Variants in MDGA1 observed in about 807,000 individuals in gnomAD.
MDGA1 encodes MAM domain containing glycosylphosphatidylinositol anchor 1.
Under a neutral mutation model 101.5 loss-of-function variants are expected in MDGA1, and 54 were observed. That is an observed-to-expected ratio of 0.53 (90% confidence interval 0.43 to 0.67). MDGA1 has a LOEUF of 0.67. MDGA1 is among the 30% of genes least tolerant of loss of function. The pLI is 0.00. For synonymous variants in MDGA1, 533 were observed against 558.3 expected, an observed-to-expected ratio of 0.95 and a Z score of 0.64; for missense variants, 1,083 against 1,323.8, an observed-to-expected ratio of 0.82 and a Z score of 2.82.
chr6:37,685,716 G>C (rs974180218), intron 1 of MDGA1, among the ~76,000 whole-genome samples: 1 of 151,838 alleles, frequency 6.6e-6, no homozygotes, highest in Non-Finnish European at 1.5e-5. Context: ...CGACAGTGTC[G>C]GGGGGCGCTG....
At chr6:37,667,665 G>A (rs1761782878) in intron 1 of MDGA1, among the ~76,000 whole-genome samples, 1 of 152,222 alleles carries the variant, frequency 6.6e-6, no homozygotes, top group African/African-American at 2.4e-5. Context: ...GAGGCCTGGG[G>A]TGCCTCTCAA....
chr6:37,641,900 AT>A (rs951397693), intron 14 of MDGA1: 1 of 152,188 alleles, frequency 6.6e-6, no homozygotes, highest in Non-Finnish European at 1.5e-5. Flanking sequence ...AGAATCTTCT[AT>A]CCCACTCCAT....
intron 7 of MDGA1, among the ~76,000 whole-genome samples, chr6:37,651,491 G>A (rs1292861948): frequency 2.0e-5 from 3 of 152,142 alleles, no homozygotes; most frequent in Admixed American, 6.5e-5. Context: ...CTTGAATTAT[G>A]CAGTTGTTTC....
At chr6:37,674,318 G>A (rs557446750) in intron 1 of MDGA1, among the ~76,000 whole-genome samples, 3 of 152,298 alleles carry the variant, frequency 2.0e-5, no homozygotes, top group Admixed American at 6.5e-5. Context: ...TGTGCAGGCC[G>A]CCACCCCGCC....
chr6:37,670,814 C>T (rs1285427673), intron 1 of MDGA1, among the ~76,000 whole-genome samples: 1 of 152,168 alleles, frequency 6.6e-6, no homozygotes, highest in Non-Finnish European at 1.5e-5. Context: ...TCATATTTAG[C>T]TCCATTGGCA....
rs1039693586 is a variant in MDGA1, at chr6:37,696,586, A to T, written c.67+159T>A. Among the ~76,000 whole-genome samples, 17 of 152,020 alleles carry T rather than the reference A, an allele frequency of 1.1e-4. No homozygotes were observed. Among genetic ancestry groups the T allele is most frequent in the African/African-American group, 3.6e-4 (15 of 41,378 alleles). On this transcript the variant is annotated intron_variant, in intron 1 of 16. Transcript: ENST00000434837. The surrounding 1 kb of genome is among the most constrained non-coding windows in gnomAD (Gnocchi z 5.6). Reference sequence around the variant, plus strand: ...CCGGCCCCTGTGTTCCGAAGCAGCTAGCTCGGTCTCCACGCGCCCTGGAGA... The same window carrying T: ...CCGGCCCCTGTGTTCCGAAGCAGCTTGCTCGGTCTCCACGCGCCCTGGAGA...
rs999207606 is a variant in MDGA1, at chr6:37,635,827, C to T, written c.*1541G>A. The T allele has an allele frequency of 4.0e-5, 16 of 398,004 alleles. No individual in the cohort carries two copies. The highest frequency in any genetic ancestry group is 2.9e-4 in the African/African-American group (14 of 48,634). The allele number at this position is 398,004 out of a possible 1,614,324, so 24.7% of individuals were successfully genotyped here. The stretch of plus-strand genomic sequence containing the variant: ...GGCAGCTTGAGACTACAGAACAGGG[C>T]TGGACAGAGTCTATTCAGCCAGCAC... On this transcript the variant is annotated 3_prime_UTR_variant, in exon 17 of 17. Coordinates refer to ENST00000434837, the MANE Select transcript of MDGA1 (RefSeq NM_153487.4).
intron 14 of MDGA1, chr6:37,643,353 A>G (rs758691045): frequency 2.3e-4 from 36 of 159,316 alleles, no homozygotes; most frequent in South Asian, 5.5e-4. Flanking sequence ...GCTCACTGCA[A>G]CCTTCACCAC....
intron 1 of MDGA1, among the ~76,000 whole-genome samples, chr6:37,676,977 G>C (rs539092314): frequency 1.3e-5 from 2 of 151,158 alleles, no homozygotes; most frequent in African/African-American, 4.9e-5. Flanking sequence ...CACTTAACTT[G>C]CCTAAGCCCC....
At position 37,638,258 on chromosome 6, in the gene MDGA1, T is replaced by C; in HGVS notation, c.2723A>G (p.Asp908Gly). The change falls in exon 16 of 17, where the codon GAC (aspartate) becomes GGC (glycine). Residue 908 changes from aspartate (D) to glycine (G), a missense_variant. Asp to Gly is a moderately conservative substitution (Grantham distance 94). This residue lies in a region of MDGA1 where 657 missense variants were observed against 771.4 expected (regional missense o/e 0.85). Coordinates refer to ENST00000434837, the MANE Select transcript of MDGA1 (RefSeq NM_153487.4). This position sits in a 1 kb window ranked among gnomAD's most constrained non-coding sequence, Gnocchi z 4.8. The part of the protein sequence containing the change: ...PGYLGDIAID[D>G]VTLKKGECPR... ...ACACTCCCCCTTCTTCAGTGTGACG[T>C]CATCTATGGCAATATCCCCCAGGTA... The C allele has an allele frequency of 6.2e-7, 1 of 1,613,466 alleles. No individual in the cohort carries two copies. Among genetic ancestry groups the C allele is most frequent in the Non-Finnish European group, 8.5e-7 (1 of 1,179,736 alleles).
chr6:37,676,124 C>T (rs1439017755), intron 1 of MDGA1, among the ~76,000 whole-genome samples: 1 of 152,190 alleles, frequency 6.6e-6, no homozygotes, highest in Non-Finnish European at 1.5e-5. Flanking sequence ...TGACATAAAA[C>T]CAGACTCATG....
rs374837259 is a variant in MDGA1, at chr6:37,643,771, C to T, written c.2536+38G>A. 195 of 1,611,348 alleles carry T rather than the reference C, an allele frequency of 1.2e-4. No homozygotes were observed. In the African/African-American group the frequency reaches 2.4e-3, roughly 20 times the overall value. Reference sequence around the variant, plus strand: ...ACCCCACTCCCCTCCCATCCTCCAGCACACACTTGGTGGAGACTACCTGGC... The same window carrying T: ...ACCCCACTCCCCTCCCATCCTCCAGTACACACTTGGTGGAGACTACCTGGC... On this transcript the variant is annotated intron_variant, in intron 14 of 16. Transcript: ENST00000434837.
intron 1 of MDGA1, among the ~76,000 whole-genome samples, chr6:37,694,782 G>A (rs1328260807): frequency 6.6e-6 from 1 of 152,134 alleles, no homozygotes; most frequent in African/African-American, 2.4e-5. Flanking sequence ...AAGGAAAAGT[G>A]GCATGTCACC....
At chr6:37,649,743 A>C (rs708022) in intron 8 of MDGA1, 109,935 of 469,016 alleles carry the variant, frequency 0.23, 14,938 homozygotes, top group African/African-American at 0.46. Context: ...GAGTTAGTGC[A>C]TTAAAACTCT....
chr6:37,680,435 G>A (rs56120772), intron 1 of MDGA1, among the ~76,000 whole-genome samples: 14,686 of 152,290 alleles, frequency 0.096, 736 homozygotes, highest in Middle Eastern at 0.15. Context: ...CATGAAGGAG[G>A]TGACAGAGGT....
intron 14 of MDGA1, among the ~76,000 whole-genome samples, chr6:37,643,109 G>A (rs1764130307): frequency 6.6e-6 from 1 of 152,158 alleles, no homozygotes; most frequent in South Asian, 2.1e-4. Context: ...TGACGTCTCT[G>A]AGTTGGATGG....
chr6:37,643,878 G>A lies in MDGA1; in HGVS notation c.2467C>T (p.Pro823Ser). The A allele has an allele frequency of 6.2e-7, 1 of 1,613,960 alleles. No homozygotes were observed. The highest frequency in any genetic ancestry group is 8.5e-7 in the Non-Finnish European group (1 of 1,179,880). The change falls in exon 14 of 17, where the codon CCC (proline) becomes TCC (serine). Residue 823 changes from proline to serine, a missense_variant. Physicochemically the swap from Pro to Ser is moderately conservative, Grantham distance 74. Around this residue, in one of 3 missense-constraint regions of MDGA1, gnomAD observed 657 missense variants for 771.4 expected, o/e 0.85. Coordinates refer to ENST00000434837, the MANE Select transcript of MDGA1 (RefSeq NM_153487.4). ...AACTTGGCGCTGGCATTGTAGAGGG[G>A]ACTCACTAACCTTGCACGGTCCCCC... ...ELGDRARLVSPLYNASAKFYC... is the reference protein window; with the variant it reads ...ELGDRARLVSSLYNASAKFYC...
intron 1 of MDGA1, among the ~76,000 whole-genome samples, chr6:37,665,966 T>C (rs1288848209): frequency 6.6e-6 from 1 of 152,122 alleles, no homozygotes; most frequent in Non-Finnish European, 1.5e-5. Flanking sequence ...CTTTCCTCCT[T>C]CAAAGTGACT....
At chr6:37,677,368 G>A (rs1762003095) in intron 1 of MDGA1, among the ~76,000 whole-genome samples, 2 of 152,106 alleles carry the variant, frequency 1.3e-5, no homozygotes, top group African/African-American at 4.8e-5. Context: ...TAATTTAAAA[G>A]GAAAAAGTAA....
Sources: gnomAD v4.1 joint callset for allele counts (sites outside exome capture counted in the v4.1 genomes callset) on GRCh38, gnomAD v4.1.1 for gene constraint, gnomAD v4.1.1 regional missense constraint, Gnocchi (gnomAD v3.1) non-coding constraint, MANE v1.5 for transcripts, NCBI Gene and HGNC (gene_info 2026-07-23, HGNC 2026-07-21) for gene names.